C3orf70: variants seen among roughly 807,000 people sequenced by gnomAD.
The protein encoded by C3orf70 is chromosome 3 open reading frame 70, also known as UPF0524 protein C3orf70.
A neutral mutation model predicts 20.7 loss-of-function variants in C3orf70; 15 were observed. That is an observed-to-expected ratio of 0.72 (90% CI 0.48 to 1.11). The LOEUF is 1.11. Among genes scored for constraint, C3orf70 ranks in the 50% most tolerant of loss-of-function variants. The pLI is 0.00. For synonymous variants in C3orf70, 161 were observed against 125.7 expected, an observed-to-expected ratio of 1.28 and a Z score of -1.88; for missense variants, 332 against 317.6, an observed-to-expected ratio of 1.05 and a Z score of -0.34.
intron 1 of C3orf70, among the ~76,000 whole-genome samples, chr3:185,136,125 T>C (rs1716616203): frequency 6.6e-6 from 1 of 152,096 alleles, no homozygotes; most frequent in African/African-American, 2.4e-5. Flanking sequence ...AGATACATCA[T>C]GGGAACATTA....
At chr3:185,105,641 A>G (rs538898026) in intron 1 of C3orf70, among the ~76,000 whole-genome samples, 140 of 152,070 alleles carry the variant, frequency 9.2e-4, no homozygotes, top group African/African-American at 3.3e-3. Flanking sequence ...TCACACCTCT[A>G]TATTTCTCTG....
At chr3:185,092,329 TGGCCATCCCTGCCCAAGCCCAG>T (rs1715609833) in intron 1 of C3orf70, among the ~76,000 whole-genome samples, 1 of 152,128 alleles carries the variant, frequency 6.6e-6, no homozygotes, top group Non-Finnish European at 1.5e-5. Flanking sequence ...TGGCTGCATT[TGGCCATCCCTGCCCAAGCCCAG>T]GGCCCTCCCA....
intron 1 of C3orf70, among the ~76,000 whole-genome samples, chr3:185,145,293 A>C (rs1449057181): frequency 6.6e-6 from 1 of 152,246 alleles, no homozygotes; most frequent in Non-Finnish European, 1.5e-5. Flanking sequence ...TAAATCTCTA[A>C]GTTCAACAGG....
At chr3:185,102,262 C>A (rs182856144) in intron 1 of C3orf70, among the ~76,000 whole-genome samples, 1 of 152,114 alleles carries the variant, frequency 6.6e-6, no homozygotes, top group East Asian at 1.9e-4. Context: ...ATTAGCATTC[C>A]TATATACCAA....
intron 1 of C3orf70, among the ~76,000 whole-genome samples, chr3:185,099,066 G>A (rs4686509): frequency 1.3e-5 from 2 of 152,068 alleles, no homozygotes; most frequent in East Asian, 3.9e-4. Context: ...ACCTGCAGTG[G>A]TAAGATATAG....
chr3:185,140,033 C>A lies in C3orf70; in HGVS notation c.196+12595G>T, dbSNP rs1716718963. On this transcript the variant is annotated intron_variant, in intron 1 of 1. Transcript: ENST00000335012. ...CTCTGTTAACTCACCAAATTATACA[C>A]AGTCATCCCTCAATATACACATTGG... Among the ~76,000 whole-genome samples the A allele has an allele frequency of 2.0e-5, 3 of 152,192 alleles. No individual in the cohort carries two copies. In the South Asian group the frequency reaches 6.2e-4, roughly 31 times the overall value.
chr3:185,142,237 C>T (rs190636735), intron 1 of C3orf70, among the ~76,000 whole-genome samples: 1 of 152,212 alleles, frequency 6.6e-6, no homozygotes, highest in African/African-American at 2.4e-5. Flanking sequence ...AGGCAGGCAT[C>T]GCTTGAGCTC....
At chr3:185,093,118 AC>A (rs1023911535) in intron 1 of C3orf70, among the ~76,000 whole-genome samples, 20 of 152,208 alleles carry the variant, frequency 1.3e-4, no homozygotes, top group African/African-American at 4.3e-4. Context: ...CAAGCCACCA[AC>A]CCCCTCCCAG....
intron 1 of C3orf70, among the ~76,000 whole-genome samples, chr3:185,140,394 G>T (rs1003188062): frequency 6.6e-6 from 1 of 152,082 alleles, no homozygotes; most frequent in Non-Finnish European, 1.5e-5. Context: ...ATTAGAAAAG[G>T]AGAAAAGACA....
rs1715562066 is a variant in C3orf70, at chr3:185,091,163, TAG to T, written c.197-7602_197-7601del. On this transcript the variant is annotated intron_variant, in intron 1 of 1. Transcript: ENST00000335012. Reference sequence around the variant, plus strand: ...GTAAAACAAGAGTTGAATAAGACTATAGGCATATATGCAAGGGCGTTCACCAG... The same window carrying T: ...GTAAAACAAGAGTTGAATAAGACTATGCATATATGCAAGGGCGTTCACCAG... Among the ~76,000 whole-genome samples the T allele has an allele frequency of 3.9e-5, 6 of 152,216 alleles. No individual in the cohort carries two copies. In the South Asian group the frequency reaches 1.2e-3, roughly 32 times the overall value.
intron 1 of C3orf70, among the ~76,000 whole-genome samples, chr3:185,086,060 C>T (rs1715452463): frequency 6.6e-6 from 1 of 152,166 alleles, no homozygotes; most frequent in African/African-American, 2.4e-5. Context: ...CTGTCACAGC[C>T]ACAGGAGGAT....
intron 1 of C3orf70, among the ~76,000 whole-genome samples, chr3:185,115,138 G>A (rs62289776): frequency 0.15 from 22,040 of 151,970 alleles, 1,719 homozygotes; most frequent in East Asian, 0.23. Flanking sequence ...GTCTGGGATG[G>A]TACTCTGGCA....
At chr3:185,088,162 C>T (rs1182842814) in intron 1 of C3orf70, among the ~76,000 whole-genome samples, 4 of 152,138 alleles carry the variant, frequency 2.6e-5, no homozygotes, top group Non-Finnish European at 2.9e-5. Context: ...CCACCCGCCT[C>T]GGCCTCCCAA....
At chr3:185,087,160 A>G (rs898014900) in intron 1 of C3orf70, among the ~76,000 whole-genome samples, 5 of 152,262 alleles carry the variant, frequency 3.3e-5, no homozygotes, top group Admixed American at 3.3e-4. Context: ...TAACCACTAT[A>G]TTCTCTGAAC....
intron 1 of C3orf70, among the ~76,000 whole-genome samples, chr3:185,087,158 A>G (rs1266369519): frequency 5.3e-5 from 8 of 152,240 alleles, no homozygotes; most frequent in African/African-American, 1.7e-4. Context: ...AATAACCACT[A>G]TATTCTCTGA....
At chr3:185,127,044 G>A (rs1437790275) in intron 1 of C3orf70, among the ~76,000 whole-genome samples, 1 of 152,084 alleles carries the variant, frequency 6.6e-6, no homozygotes, top group African/African-American at 2.4e-5. Flanking sequence ...CTTTTCTATT[G>A]ATATTCCCCA....
intron 1 of C3orf70, among the ~76,000 whole-genome samples, chr3:185,133,576 C>T (rs773996521): frequency 6.6e-6 from 1 of 151,780 alleles, no homozygotes; most frequent in Non-Finnish European, 1.5e-5. Flanking sequence ...AACCCTGTCT[C>T]TACCAAAAAC....
rs1715271905 is a variant in C3orf70, at chr3:185,079,210, G to A, written c.*3797C>T. 6.6e-6 allele frequency: 1 copy of A among 150,572 alleles called. No individual in the cohort carries two copies. The highest frequency in any genetic ancestry group is 1.5e-5 in the Non-Finnish European group (1 of 67,878). The allele number at this position is 150,572 out of a possible 1,614,324, so 9.3% of individuals were successfully genotyped here. Reference sequence around the variant, plus strand: ...GCAGGAGAATGGCATGAACCTGGGAGGCAGAGCTGGCAGTGAGCCGAGATC... The same window carrying A: ...GCAGGAGAATGGCATGAACCTGGGAAGCAGAGCTGGCAGTGAGCCGAGATC... On this transcript the variant is annotated 3_prime_UTR_variant, in exon 2 of 2. Coordinates refer to ENST00000335012, the MANE Select transcript of C3orf70 (RefSeq NM_001025266.3).
chr3:185,103,336 C>G (rs1348570510), intron 1 of C3orf70, among the ~76,000 whole-genome samples: 1 of 151,960 alleles, frequency 6.6e-6, no homozygotes, highest in African/African-American at 2.4e-5. Flanking sequence ...GCAATTGCAA[C>G]AAAAGCAAAA....
Sources: allele counts gnomAD v4.1 joint callset (sites outside exome capture counted in the v4.1 genomes callset), GRCh38; gene constraint gnomAD v4.1.1; transcripts MANE v1.5; gene names NCBI Gene and HGNC (gene_info 2026-07-23, HGNC 2026-07-21).